Variants in PDE2A observed in about 807,000 individuals in gnomAD.
The protein encoded by PDE2A is cGMP-dependent 3',5'-cyclic phosphodiesterase.
A neutral mutation model predicts 133.6 loss-of-function variants in PDE2A; 53 were observed. The observed-to-expected ratio is 0.40, with a 90% CI of 0.32 to 0.50. The LOEUF (loss-of-function observed/expected upper bound fraction) is 0.50. PDE2A is among the 20% of genes least tolerant of loss of function. The probability of loss-of-function intolerance (pLI) is 0.73; values close to 1 mark genes in which losing one functional copy is unlikely to be tolerated. For missense variants in PDE2A, 796 were observed against 1,232.4 expected, an observed-to-expected ratio of 0.65 and a Z score of 5.30; for synonymous variants, 491 against 490.2, an observed-to-expected ratio of 1.00 and a Z score of -0.02.
chr11:72,585,430 G>A lies in PDE2A; in HGVS notation c.1227C>T (p.Asp409=), dbSNP rs1249687173. ...VAKNLFTHLD[D]VSVLLQEIIT... is the part of the protein sequence containing the mutation. ...TGATCTCCTGGAGCAGGACAGAGACGTCATCTGGGGAAGGGAGAAGACCAG... is the reference window on the plus strand; with the variant it reads ...TGATCTCCTGGAGCAGGACAGAGACATCATCTGGGGAAGGGAGAAGACCAG... Residue 409 remains aspartate (D), a synonymous_variant, in exon 16 of 31, where the codon GAC becomes GAT. Transcript: ENST00000334456. 4.3e-6 allele frequency: 7 copies of A among 1,613,956 alleles called. No homozygotes were observed. Among genetic ancestry groups the A allele is most frequent in the African/African-American group, 2.7e-5 (2 of 74,902 alleles).
chr11:72,626,489 A>T (rs1040608011), intron 2 of PDE2A, among the ~76,000 whole-genome samples: 1 of 152,236 alleles, frequency 6.6e-6, no homozygotes. Context: ...TCCAGGAGGA[A>T]GTAGCACATC....
intron 13 of PDE2A, among the ~76,000 whole-genome samples, chr11:72,587,535 G>C (rs1417390250): frequency 1.3e-5 from 2 of 152,068 alleles, no homozygotes; most frequent in Non-Finnish European, 2.9e-5. Flanking sequence ...TCCAGCTCTG[G>C]GGCCATCCTA....
In PDE2A at chr11:72,596,361, C is replaced by T. The variant is rs575360662; in HGVS notation, c.489+232G>A. ...GGCCAATGGCTTCATCCTACCTATT[C>T]GAGGTGGGGCAGAAGGCTGGGGTGT... On this transcript the variant is annotated intron_variant, in intron 6 of 30. Coordinates refer to ENST00000334456, the MANE Select transcript of PDE2A (RefSeq NM_002599.5). 2.0e-5 allele frequency among the ~76,000 whole-genome samples: 3 copies of T among 152,186 alleles called. No homozygotes were observed. The South Asian group carries it at 6.2e-4, about 32-fold the overall frequency.
chr11:72,590,623 C>T lies in PDE2A; in HGVS notation c.550-43G>A, dbSNP rs1291233720. On this transcript the variant is annotated intron_variant, in intron 7 of 30. Coordinates refer to ENST00000334456, the MANE Select transcript of PDE2A (RefSeq NM_002599.5). The surrounding 1 kb of genome is among the most constrained non-coding windows in gnomAD (Gnocchi z 4.8). ...GTTAGCGCGCCGCTCGCCCCAAGCT[C>T]GCTGCGCTTGCTGCAGCGGGATTCC... 20 of 1,334,930 alleles carry T rather than the reference C, an allele frequency of 1.5e-5. No homozygotes were observed. Among genetic ancestry groups the T allele is most frequent in the Non-Finnish European group, 1.8e-5 (19 of 1,047,802 alleles). The allele number at this position is 1,334,930 out of a possible 1,614,324, so 82.7% of individuals were successfully genotyped here. A position where few individuals can be genotyped will look rare whatever the true frequency, so the allele number is the denominator to read the frequency against.
intron 2 of PDE2A, among the ~76,000 whole-genome samples, chr11:72,619,424 G>A (rs773532350): frequency 3.4e-4 from 51 of 152,204 alleles, no homozygotes; most frequent in South Asian, 1.2e-3. Context: ...GGCAGACTAT[G>A]TTCCCTGGGT....
chr11:72,653,538 G>T lies in PDE2A; in HGVS notation c.72-11212C>A, dbSNP rs369875157. ...GCAGAGTCGCAGGGGAGTGACAGAG[G>T]TGGATAGAGGCATGACAGGAGGAGA... On this transcript the variant is annotated intron_variant, in intron 1 of 30. Transcript: ENST00000334456. 3.5e-4 allele frequency among the ~76,000 whole-genome samples: 53 copies of T among 152,160 alleles called. 8 individuals carry two copies. Among genetic ancestry groups the T allele is most frequent in the Admixed American group, 2.5e-3 (38 of 15,282 alleles).
Position 72,584,561 on chromosome 11 carries a change from G to C in PDE2A, c.1527C>G (p.Asn509Lys). The C allele has an allele frequency of 6.2e-7, 1 of 1,610,466 alleles. No individual in the cohort carries two copies. The highest frequency in any genetic ancestry group is 8.5e-7 in the Non-Finnish European group (1 of 1,179,284). The change falls in exon 18 of 31, where the codon AAC (asparagine) becomes AAG (lysine). Residue 509 changes from asparagine (N) to lysine (K), a missense_variant. Asn to Lys is a moderately conservative substitution (Grantham distance 94). Transcript: ENST00000334456. ...TRNILCFPIKNENQEVIGVAE... is the reference protein window; with the variant it reads ...TRNILCFPIKKENQEVIGVAE... ...GGCCGCCACGCGCACCCTGGTTCTC[G>C]TTCTTGATGGGGAAGCAGAGGATGT...
At position 72,642,248 on chromosome 11, in the gene PDE2A, C is replaced by T. The variant is rs1391733708; in HGVS notation, c.144+6G>A. ...CTCCTGGTGCCCAGCGCGGGGGCCC[C>T]CCTACCTGCAGGCTGTCGGCGCATG... On this transcript the variant is annotated splice_donor_region_variant and intron_variant, in intron 2 of 30. Coordinates refer to ENST00000334456, the MANE Select transcript of PDE2A (RefSeq NM_002599.5). 1 of 1,520,334 alleles carries T rather than the reference C, an allele frequency of 6.6e-7. No homozygotes were observed. The highest frequency in any genetic ancestry group is 1.3e-5 in the South Asian group (1 of 78,762). 94.2% of individuals were successfully genotyped at this position (1,520,334 alleles called of 1,614,324 possible).
intron 2 of PDE2A, among the ~76,000 whole-genome samples, chr11:72,618,154 A>C (rs1857570069): frequency 6.6e-6 from 1 of 152,220 alleles, no homozygotes; most frequent in East Asian, 1.9e-4. Context: ...AGCCTGGAGC[A>C]GGGCTCGTGG....
At chr11:72,634,024 A>AG (rs1858553528) in intron 2 of PDE2A, among the ~76,000 whole-genome samples, 1 of 152,146 alleles carries the variant, frequency 6.6e-6, no homozygotes, top group South Asian at 2.1e-4. Flanking sequence ...GAAGAATAAA[A>AG]GGGTTGGACT....
intron 1 of PDE2A, among the ~76,000 whole-genome samples, chr11:72,646,365 C>T (rs1273401102): frequency 7.9e-5 from 12 of 152,232 alleles, no homozygotes; most frequent in Admixed American, 6.5e-4. Flanking sequence ...CAGGCCAGAT[C>T]CAACAGCCTC....
chr11:72,623,487 T>C (rs1197248455), intron 2 of PDE2A, among the ~76,000 whole-genome samples: 1 of 152,044 alleles, frequency 6.6e-6, no homozygotes, highest in Non-Finnish European at 1.5e-5. Flanking sequence ...CCCAGCCAGG[T>C]CCACGACCTT....
At chr11:72,599,767 A>C (rs1204695660) in intron 4 of PDE2A, among the ~76,000 whole-genome samples, 1 of 152,174 alleles carries the variant, frequency 6.6e-6, no homozygotes, top group Non-Finnish European at 1.5e-5. Flanking sequence ...TTCAGTGCTG[A>C]GGGCTGAGAT....
intron 30 of PDE2A, 45 bp from the exon 31 acceptor site, chr11:72,577,639 C>A: frequency 1.4e-6 from 2 of 1,384,068 alleles, no homozygotes; most frequent in Non-Finnish European, 2.0e-6. Context: ...AGAAATCAGA[C>A]CATGGGCAGC....
At chr11:72,584,790 T>A in intron 17 of PDE2A, 62 bp from the exon 18 acceptor site, 1 of 1,610,136 alleles carries the variant, frequency 6.2e-7, no homozygotes, top group Non-Finnish European at 8.5e-7. Flanking sequence ...GAGGGGACTG[T>A]TAAACCTCGG....
chr11:72,637,035 G>T (rs1224894755), intron 2 of PDE2A, among the ~76,000 whole-genome samples: 3 of 137,472 alleles, frequency 2.2e-5, no homozygotes, highest in Non-Finnish European at 2.9e-5. Flanking sequence ...GCTGCCACAG[G>T]CTCTCCTCCC....
intron 1 of PDE2A, among the ~76,000 whole-genome samples, chr11:72,651,724 C>T (rs1406723617): frequency 6.6e-6 from 1 of 152,252 alleles, no homozygotes; most frequent in East Asian, 1.9e-4. Flanking sequence ...CAGCAGGCCT[C>T]AGCATCCTCT....
At chr11:72,640,141 C>T (rs915075897) in intron 2 of PDE2A, among the ~76,000 whole-genome samples, 2 of 151,950 alleles carry the variant, frequency 1.3e-5, no homozygotes, top group African/African-American at 2.4e-5. Context: ...ACCCAGCTCA[C>T]ACACCCTCAC....
chr11:72,629,878 A>T (rs1056420729), intron 2 of PDE2A, among the ~76,000 whole-genome samples: 6 of 152,142 alleles, frequency 3.9e-5, no homozygotes, highest in Non-Finnish European at 8.8e-5. Flanking sequence ...TAATAATTAA[A>T]CAAGGTGGGT....
Sources: gnomAD v4.1 joint callset for allele counts (sites outside exome capture counted in the v4.1 genomes callset) on GRCh38, gnomAD v4.1.1 for gene constraint, Gnocchi (gnomAD v3.1) non-coding constraint, MANE v1.5 for transcripts, NCBI Gene and HGNC (gene_info 2026-07-23, HGNC 2026-07-21) for gene names.